The following CACNA1B variants were observed in gnomAD, a reference collection of about 807,000 sequenced individuals.
CACNA1B encodes the protein calcium voltage-gated channel subunit alpha1 B, also known as voltage-dependent N-type calcium channel subunit alpha-1B.
In CACNA1B, 70 loss-of-function variants were observed where a neutral mutation model predicts 247.2. The ratio of observed to expected loss-of-function variants is 0.28; its 90% CI spans 0.23 to 0.35. CACNA1B has a LOEUF of 0.35. Among genes scored for constraint, CACNA1B ranks in the 10% least tolerant of loss-of-function variants. CACNA1B has a pLI of 1.00. For synonymous variants in CACNA1B, 1,231 were observed against 1,294.4 expected (o/e 0.95, Z 1.05); for missense variants, 2,367 against 3,197.4 (o/e 0.74, Z 6.26).
rs1204090215 is a variant in CACNA1B at position 137,939,835 on chromosome 9, TAAATAAATAAATAAAA to T, written c.967-12435_967-12420del. Among the ~76,000 whole-genome samples the T allele has an allele frequency of 2.7e-3, 380 of 138,978 alleles. 4 individuals carry two copies. Among genetic ancestry groups the T allele is most frequent in the African/African-American group, 0.01 (346 of 34,352 alleles). The allele number at this position is 138,978 out of a possible 152,430, so 91.2% of individuals were successfully genotyped here. On this transcript the variant is annotated intron_variant, in intron 6 of 46. Transcript: ENST00000371372. ...ATAAATAAATAAATAAATAAATAAA[TAAATAAATAAATAAAA>T]AAAAATAAAATTCTTCGAACTGAAT...
chr9:138,096,899 G>A (rs1319195519), intron 37 of CACNA1B, among the ~76,000 whole-genome samples: 1 of 150,646 alleles, frequency 6.6e-6, no homozygotes, highest in Admixed American at 6.6e-5. Flanking sequence ...AGTCATGGAA[G>A]GTTTTCAAGG....
rs565243176 is a variant in CACNA1B, at chr9:138,120,428, G to A, written c.6238+56G>A. The A allele has an allele frequency of 3.1e-5, 47 of 1,492,684 alleles. No homozygotes were observed. In the African/African-American group the frequency reaches 3.9e-4, roughly 12 times the overall value. The allele number at this position is 1,492,684 out of a possible 1,614,324, so 92.5% of individuals were successfully genotyped here. A position where few individuals can be genotyped will look rare whatever the true frequency, so the allele number is the denominator to read the frequency against. On this transcript the variant is annotated intron_variant, in intron 45 of 46. Transcript: ENST00000371372. ...GGGGAGCTATGGCCCGAGTCAGGGGGTCCAAGCGGCCCATGGGGGACCCTC... is the reference window on the plus strand; with the variant it reads ...GGGGAGCTATGGCCCGAGTCAGGGGATCCAAGCGGCCCATGGGGGACCCTC...
intron 3 of CACNA1B, among the ~76,000 whole-genome samples, chr9:137,911,503 C>A (rs1188719519): frequency 6.6e-6 from 1 of 152,230 alleles, no homozygotes; most frequent in Admixed American, 6.5e-5. Flanking sequence ...GCAACCTCTG[C>A]CTCCTGGGCT....
rs918364132 is a variant in CACNA1B, at chr9:138,090,641, A to G, written c.5095-5843A>G. Among the ~76,000 whole-genome samples the G allele has an allele frequency of 6.8e-5, 10 of 147,284 alleles. 1 individual carries two copies. The highest frequency in any genetic ancestry group is 4.5e-4 in the South Asian group (2 of 4,484). On this transcript the variant is annotated intron_variant, in intron 36 of 46. Transcript: ENST00000371372. ...TGCAGAATCAGAGAAAATATTGCAA[A>G]CTATTTATCTGACAAGCTATTAATA...
At chr9:137,951,296 G>T (rs1399071788) in intron 6 of CACNA1B, among the ~76,000 whole-genome samples, 1 of 152,256 alleles carries the variant, frequency 6.6e-6, no homozygotes, top group African/African-American at 2.4e-5. Flanking sequence ...CAGGAACCAC[G>T]AGCTTCAGTC....
At chr9:138,043,687 C>T in intron 20 of CACNA1B, 87 bp from the exon 21 acceptor site, 1 of 1,507,358 alleles carries the variant, frequency 6.6e-7, no homozygotes, top group Non-Finnish European at 9.1e-7. Flanking sequence ...GACGCAAGTG[C>T]CGGGGGCATG....
At chr9:138,036,372 C>G (rs1477668880) in intron 20 of CACNA1B, among the ~76,000 whole-genome samples, 1 of 152,212 alleles carries the variant, frequency 6.6e-6, no homozygotes, top group Non-Finnish European at 1.5e-5. Flanking sequence ...ATCTCCTGAC[C>G]TCGTGATCTG....
intron 31 of CACNA1B, among the ~76,000 whole-genome samples, chr9:138,068,221 G>C (rs971757694): frequency 6.6e-6 from 1 of 152,200 alleles, no homozygotes; most frequent in Non-Finnish European, 1.5e-5. Flanking sequence ...TGATTAACAA[G>C]AAGGGAAGGT....
chr9:138,025,098 C>T lies in CACNA1B; in HGVS notation c.3212C>T (p.Pro1071Leu), dbSNP rs1218264133. ...QRNVTRMGSQ[P>L]PDPNTIVHIP... is the part of the protein sequence containing the mutation. ...AACGTCACTCGCATGGGCAGTCAGC[C>T]CCCAGACCCGAACACTATTGTACAT... is the stretch of plus-strand genomic sequence containing the variant. The change falls in exon 20 of 47, where the codon CCC becomes CTC. Residue 1071 changes from proline (P) to leucine (L), a missense_variant. Physicochemically the swap from Pro to Leu is moderately conservative, Grantham distance 98. Transcript: ENST00000371372. 2 of 1,613,548 alleles carry T rather than the reference C, an allele frequency of 1.2e-6. No individual in the cohort carries two copies. Among genetic ancestry groups the T allele is most frequent in the Non-Finnish European group, 1.7e-6 (2 of 1,179,724 alleles).
At position 138,122,495 on chromosome 9, in the gene CACNA1B, A is replaced by G. The variant is rs1397652652; in HGVS notation, c.*496A>G. On this transcript the variant is annotated 3_prime_UTR_variant, in exon 47 of 47. Transcript: ENST00000371372. The stretch of plus-strand genomic sequence containing the variant: ...TTGTGCAGCCCGCCAGTGTCAGCGA[A>G]TGCTCACTCAGGCAAGCTCTGTCCT... 6.3e-6 allele frequency: 1 copy of G among 159,204 alleles called. No homozygotes were observed. Among genetic ancestry groups the G allele is most frequent in the Admixed American group, 6.1e-5 (1 of 16,410 alleles). 9.9% of individuals were successfully genotyped at this position (159,204 alleles called of 1,614,324 possible). A position where few individuals can be genotyped will look rare whatever the true frequency, so the allele number is the denominator to read the frequency against.
chr9:138,024,533 C>T (rs753275229), intron 19 of CACNA1B, among the ~76,000 whole-genome samples: 5 of 152,222 alleles, frequency 3.3e-5, no homozygotes, highest in Non-Finnish European at 7.3e-5. Context: ...ATTTAAAAAA[C>T]GTACAGAAGG....
At chr9:137,998,544 T>C (rs1280675284) in intron 15 of CACNA1B, among the ~76,000 whole-genome samples, 2 of 152,210 alleles carry the variant, frequency 1.3e-5, no homozygotes, top group African/African-American at 4.8e-5. Flanking sequence ...ATCACGCCAC[T>C]GCACTCCAGC....
rs111967628 is a variant in CACNA1B, at chr9:137,881,715, T to C, written c.391-1029T>C. 0.063 allele frequency among the ~76,000 whole-genome samples: 9,526 copies of C among 152,292 alleles called. 402 individuals are homozygous for C. Among genetic ancestry groups the C allele is most frequent in the Middle Eastern group, 0.099 (29 of 292 alleles). ...CCACGCGTGTGCTCACGAGGAGTCTTTGGGGTCTCCCTAAGCTCCACACAG... is the reference window on the plus strand; with the variant it reads ...CCACGCGTGTGCTCACGAGGAGTCTCTGGGGTCTCCCTAAGCTCCACACAG... On this transcript the variant is annotated intron_variant, in intron 2 of 46. Coordinates refer to ENST00000371372, the MANE Select transcript of CACNA1B (RefSeq NM_000718.4). The surrounding 1 kb of genome is among the most constrained non-coding windows in gnomAD (Gnocchi z 4.3).
chr9:138,070,958 G>A (rs1960111208), intron 32 of CACNA1B, among the ~76,000 whole-genome samples: 1 of 152,256 alleles, frequency 6.6e-6, no homozygotes, highest in Admixed American at 6.5e-5. Context: ...ACAGATCGGG[G>A]TGGGGTGCCC....
rs1034806737 is a variant in CACNA1B, at chr9:137,971,933, G to T, written c.1543+341G>T. Among the ~76,000 whole-genome samples the T allele has an allele frequency of 2.6e-5, 4 of 152,140 alleles. No individual in the cohort carries two copies. Among genetic ancestry groups the T allele is most frequent in the Non-Finnish European group, 5.9e-5 (4 of 68,012 alleles). ...GGGGCGAGTCAGGCCAGGCAGATGG[G>T]TGTCCTCCCCTGAGAGGGCTTCAGA... is the stretch of plus-strand genomic sequence containing the variant. On this transcript the variant is annotated intron_variant, in intron 11 of 46. Coordinates refer to ENST00000371372, the MANE Select transcript of CACNA1B (RefSeq NM_000718.4). The surrounding 1 kb of genome is among the most constrained non-coding windows in gnomAD (Gnocchi z 4.4).
intron 6 of CACNA1B, among the ~76,000 whole-genome samples, chr9:137,921,761 T>C (rs11137304): frequency 7.6e-3 from 281 of 36,764 alleles, no homozygotes; most frequent in Middle Eastern, 0.028. Flanking sequence ...ACACGATCAG[T>C]ACCGCGATCA....
rs200013938 is a variant in CACNA1B at position 138,123,702 on chromosome 9, C to T, written c.*1703C>T. Reference sequence around the variant, plus strand: ...TTAATAGAAGTAAAACACACAAGACCGCTGCCTGGTCTCGGGGTTCAGCAT... The same window carrying T: ...TTAATAGAAGTAAAACACACAAGACTGCTGCCTGGTCTCGGGGTTCAGCAT... On this transcript the variant is annotated 3_prime_UTR_variant, in exon 47 of 47. Coordinates refer to ENST00000371372, the MANE Select transcript of CACNA1B (RefSeq NM_000718.4). The T allele has an allele frequency of 5.9e-5, 9 of 151,974 alleles. No individual in the cohort carries two copies. Among genetic ancestry groups the T allele is most frequent in the African/African-American group, 1.7e-4 (7 of 41,366 alleles). 9.4% of individuals were successfully genotyped at this position (151,974 alleles called of 1,614,324 possible). A position where few individuals can be genotyped will look rare whatever the true frequency, so the allele number is the denominator to read the frequency against.
Position 138,102,932 on chromosome 9 carries a change from C to T in CACNA1B, c.5319+125C>T, listed in dbSNP as rs1286439272. 3.0e-5 allele frequency: 18 copies of T among 602,812 alleles called. No individual in the cohort carries two copies. Among genetic ancestry groups the T allele is most frequent in the South Asian group, 1.4e-4 (7 of 48,748 alleles). The allele number at this position is 602,812 out of a possible 1,614,324, so 37.3% of individuals were successfully genotyped here. On this transcript the variant is annotated intron_variant, in intron 38 of 46. Transcript: ENST00000371372. The surrounding 1 kb of genome is among the most constrained non-coding windows in gnomAD (Gnocchi z 5.4). ...GCTGTCTGTCTGCCGCTCTGCTGTGCGCCCCCGGCTGCCTCACTGTGTCTT... is the reference window on the plus strand; with the variant it reads ...GCTGTCTGTCTGCCGCTCTGCTGTGTGCCCCCGGCTGCCTCACTGTGTCTT...
intron 20 of CACNA1B, chr9:138,040,470 C>A: frequency 5.6e-6 from 1 of 179,096 alleles, no homozygotes; most frequent in Non-Finnish European, 1.1e-5. Flanking sequence ...ATATATGTAT[C>A]TCCTATATAT....
Sources: gnomAD v4.1 joint callset for allele counts (sites outside exome capture counted in the v4.1 genomes callset) on GRCh38, gnomAD v4.1.1 for gene constraint, Gnocchi (gnomAD v3.1) non-coding constraint, MANE v1.5 for transcripts, NCBI Gene and HGNC (gene_info 2026-07-23, HGNC 2026-07-21) for gene names.